DOK5: variants seen among roughly 807,000 people sequenced by gnomAD.
The protein encoded by DOK5 is downstream of tyrosine kinase 5.
In DOK5, 27 loss-of-function variants were observed where a neutral mutation model predicts 43.3. The observed-to-expected ratio is 0.62, with a 90% CI of 0.46 to 0.86. The LOEUF (loss-of-function observed/expected upper bound fraction) is 0.86. Among genes scored for constraint, DOK5 ranks in the 40% least tolerant of loss-of-function variants. DOK5 has a pLI of 0.00. For synonymous variants in DOK5, 146 were observed against 140.1 expected, an observed-to-expected ratio of 1.04 and a Z score of -0.30; for missense variants, 373 against 392.9, an observed-to-expected ratio of 0.95 and a Z score of 0.43.
intron 2 of DOK5, among the ~76,000 whole-genome samples, chr20:54,568,228 C>T (rs1363732372): frequency 6.6e-6 from 1 of 152,204 alleles, no homozygotes; most frequent in East Asian, 1.9e-4. Context: ...CAAAACCAAA[C>T]TTTACTTATG....
Position 54,536,462 on chromosome 20 carries a change from G to T in DOK5, c.67-18471G>T, listed in dbSNP as rs115989679. On this transcript the variant is annotated intron_variant, in intron 1 of 7. Transcript: ENST00000262593. ...AGGTGTGCCTTTTCTTACTCCTCTC[G>T]CTGAGACTATAAAGCTGGGACATTG... 7.1e-3 allele frequency among the ~76,000 whole-genome samples: 1,085 copies of T among 152,174 alleles called. 9 individuals are homozygous for T. The highest frequency in any genetic ancestry group is 0.025 in the African/African-American group (1,031 of 41,510).
intron 5 of DOK5, among the ~76,000 whole-genome samples, chr20:54,594,267 C>G (rs557877590): frequency 7.9e-5 from 12 of 152,176 alleles, no homozygotes; most frequent in Admixed American, 6.5e-4. Context: ...TGGCACACAC[C>G]TGTGGTCTCA....
intron 1 of DOK5, among the ~76,000 whole-genome samples, chr20:54,480,217 A>G (rs1203582748): frequency 1.3e-5 from 2 of 152,158 alleles, no homozygotes; most frequent in African/African-American, 4.8e-5. Context: ...ACTGAAACCT[A>G]CTGGGCTACA....
chr20:54,610,234 T>C (rs1265216961), intron 5 of DOK5, among the ~76,000 whole-genome samples, 154 bp from the exon 6 acceptor site: 2 of 152,264 alleles, frequency 1.3e-5, no homozygotes, highest in Non-Finnish European at 2.9e-5. Flanking sequence ...TTGAACACTT[T>C]GAACATTCCG....
At position 54,569,570 on chromosome 20, in the gene DOK5, G is replaced by C. The variant is rs975563664; in HGVS notation, c.174+14530G>C. 2.0e-4 allele frequency among the ~76,000 whole-genome samples: 30 copies of C among 152,146 alleles called. 1 individual carries two copies. Among genetic ancestry groups the C allele is most frequent in the Admixed American group, 1.8e-3 (28 of 15,270 alleles). ...AACAGTCTTAGAAGTGAGGTATCAGGTAATAGCCTGCACCTTTAAGTTTTT... is the reference window on the plus strand; with the variant it reads ...AACAGTCTTAGAAGTGAGGTATCAGCTAATAGCCTGCACCTTTAAGTTTTT... On this transcript the variant is annotated intron_variant, in intron 2 of 7. Coordinates refer to ENST00000262593, the MANE Select transcript of DOK5 (RefSeq NM_018431.5).
At chr20:54,500,391 T>C (rs1322317348) in intron 1 of DOK5, among the ~76,000 whole-genome samples, 1 of 152,116 alleles carries the variant, frequency 6.6e-6, no homozygotes, top group African/African-American at 2.4e-5. Flanking sequence ...TTATTGTCAT[T>C]GTTTTGCTGA....
At chr20:54,566,147 G>GTT (rs531739853) in intron 2 of DOK5, among the ~76,000 whole-genome samples, 1 of 143,018 alleles carries the variant, frequency 7.0e-6, no homozygotes, top group African/African-American at 2.6e-5. Context: ...CATTTCTACA[G>GTT]TTTTTTTTTT....
chr20:54,495,950 A>G (rs995105081), intron 1 of DOK5, among the ~76,000 whole-genome samples: 5 of 152,302 alleles, frequency 3.3e-5, no homozygotes. Context: ...GAGACTGACA[A>G]TTTTACACAT....
At chr20:54,609,698 C>T (rs946098651) in intron 5 of DOK5, among the ~76,000 whole-genome samples, 1 of 152,030 alleles carries the variant, frequency 6.6e-6, no homozygotes, top group African/African-American at 2.4e-5. Flanking sequence ...ATTTATTTCT[C>T]TTTGTTTACC....
At chr20:54,526,105 C>A (rs1012790922) in intron 1 of DOK5, among the ~76,000 whole-genome samples, 2 of 151,898 alleles carry the variant, frequency 1.3e-5, no homozygotes, top group Admixed American at 6.6e-5. Flanking sequence ...TGATCTCTGG[C>A]CCAGAAGCCT....
chr20:54,573,610 C>G (rs1013224171), intron 2 of DOK5, among the ~76,000 whole-genome samples: 21 of 144,526 alleles, frequency 1.5e-4, no homozygotes, highest in African/African-American at 5.3e-4. Flanking sequence ...TCGCTTGAAT[C>G]TGGGAGGCAG....
intron 1 of DOK5, among the ~76,000 whole-genome samples, chr20:54,524,234 A>G (rs1216928696): frequency 1.3e-5 from 2 of 152,174 alleles, no homozygotes; most frequent in Non-Finnish European, 2.9e-5. Flanking sequence ...ATGCGAAAGA[A>G]GGATGAAGTG....
chr20:54,638,803 G>T (rs1206469106), intron 6 of DOK5, among the ~76,000 whole-genome samples: 1 of 146,178 alleles, frequency 6.8e-6, no homozygotes, highest in Non-Finnish European at 1.5e-5. Flanking sequence ...GCCCAGGCTG[G>T]AGCGCAGTGG....
In DOK5 at chr20:54,490,233, A is replaced by G. The variant is rs533696595; in HGVS notation, c.66+14221A>G. Among the ~76,000 whole-genome samples the G allele has an allele frequency of 2.0e-5, 3 of 152,366 alleles. No individual in the cohort carries two copies. The South Asian group carries it at 6.2e-4, about 32-fold the overall frequency. Reference sequence around the variant, plus strand: ...GCTCAATGGAAATCTTTTACCTAAAAGATAGGATAAATTATATGTTAACTG... The same window carrying G: ...GCTCAATGGAAATCTTTTACCTAAAGGATAGGATAAATTATATGTTAACTG... On this transcript the variant is annotated intron_variant, in intron 1 of 7. Transcript: ENST00000262593.
chr20:54,518,127 T>A (rs1736242670), intron 1 of DOK5, among the ~76,000 whole-genome samples: 1 of 152,170 alleles, frequency 6.6e-6, no homozygotes, highest in Admixed American at 6.6e-5. Flanking sequence ...TATTTTCTTT[T>A]TTCTTTTTTA....
At chr20:54,592,764 A>T (rs940009739) in intron 5 of DOK5, among the ~76,000 whole-genome samples, 3 of 152,004 alleles carry the variant, frequency 2.0e-5, no homozygotes, top group African/African-American at 7.3e-5. Flanking sequence ...GATGGTCTCG[A>T]TCTCCTGACC....
chr20:54,496,734 C>G (rs1196617731), intron 1 of DOK5, among the ~76,000 whole-genome samples: 2 of 141,530 alleles, frequency 1.4e-5, no homozygotes, highest in South Asian at 2.2e-4. Flanking sequence ...CCACTGCACT[C>G]CAGGCTGGGC....
intron 6 of DOK5, among the ~76,000 whole-genome samples, chr20:54,634,642 C>T (rs6023436): frequency 0.024 from 3,652 of 151,776 alleles, 143 homozygotes; most frequent in African/African-American, 0.084. Flanking sequence ...GAGGTTTCAC[C>T]GTGTTAGCCA....
At chr20:54,492,471 T>A (rs1034325139) in intron 1 of DOK5, among the ~76,000 whole-genome samples, 8 of 152,300 alleles carry the variant, frequency 5.3e-5, no homozygotes, top group African/African-American at 2.4e-5. Flanking sequence ...CATTTTTAGG[T>A]AGTTTCCAGG....
Sources: allele counts gnomAD v4.1 joint callset (sites outside exome capture counted in the v4.1 genomes callset), GRCh38; gene constraint gnomAD v4.1.1; transcripts MANE v1.5; gene names NCBI Gene and HGNC (gene_info 2026-07-23, HGNC 2026-07-21).